Variants in CPA6 observed in about 807,000 individuals in gnomAD.
CPA6 encodes the protein carboxypeptidase A6, also known as carboxypeptidase B.
In CPA6, 58 loss-of-function variants were observed where a neutral mutation model predicts 63.3. The observed-to-expected ratio is 0.92, with a 90% confidence interval of 0.74 to 1.14. The LOEUF (loss-of-function observed/expected upper bound fraction) is 1.14, where lower values mean the gene tolerates loss of function less well. Among genes scored for constraint, CPA6 ranks in the 50% most tolerant of loss-of-function variants. The pLI is 0.00. For missense variants in CPA6, 565 were observed against 526.6 expected, an observed-to-expected ratio of 1.07 and a Z score of -0.71; for synonymous variants, 185 against 179.0, an observed-to-expected ratio of 1.03 and a Z score of -0.27.
At chr8:67,741,486 C>A (rs1043197812) in intron 1 of CPA6, among the ~76,000 whole-genome samples, 1 of 152,174 alleles carries the variant, frequency 6.6e-6, no homozygotes, top group Non-Finnish European at 1.5e-5. Flanking sequence ...TGTTAGAAAC[C>A]GGGCCGCACA....
chr8:67,733,697 T>G (rs1022366575), intron 1 of CPA6, among the ~76,000 whole-genome samples: 15 of 151,450 alleles, frequency 9.9e-5, no homozygotes, highest in Non-Finnish European at 2.1e-4. Flanking sequence ...AATGGGCACA[T>G]AGTAGGCACT....
intron 1 of CPA6, among the ~76,000 whole-genome samples, chr8:67,685,590 G>A (rs1816694635): frequency 6.6e-6 from 1 of 152,178 alleles, no homozygotes; most frequent in Admixed American, 6.5e-5. Flanking sequence ...CTGCGTTCCA[G>A]CCTGGGTGAC....
intron 8 of CPA6, among the ~76,000 whole-genome samples, chr8:67,472,949 T>C (rs1811096815): frequency 6.6e-6 from 1 of 152,208 alleles, no homozygotes; most frequent in African/African-American, 2.4e-5. Flanking sequence ...TATAATCTGT[T>C]GTTACAAAAA....
At chr8:67,445,086 G>A (rs1810382173) in intron 8 of CPA6, among the ~76,000 whole-genome samples, 1 of 152,264 alleles carries the variant, frequency 6.6e-6, no homozygotes, top group East Asian at 1.9e-4. Context: ...TGTTATATGT[G>A]CTTAGAGGAA....
intron 1 of CPA6, among the ~76,000 whole-genome samples, chr8:67,666,459 T>G (rs1816228280): frequency 6.6e-6 from 1 of 152,084 alleles, no homozygotes; most frequent in African/African-American, 2.4e-5. Flanking sequence ...AGGGCCCTGG[T>G]AGCAGCCAGT....
rs868648008 is a variant in CPA6, at chr8:67,612,311, C to T, written c.192+11865G>A. Among the ~76,000 whole-genome samples the T allele has an allele frequency of 1.8e-4, 27 of 152,174 alleles. No homozygotes were observed. In the East Asian group the frequency reaches 2.1e-3, roughly 12 times the overall value. ...CATATATTCTCAAAAGGCTATGTAT[C>T]TATATTATCAAAAGCCTCAGCGTGG... is the stretch of plus-strand genomic sequence containing the variant. On this transcript the variant is annotated intron_variant, in intron 2 of 10. Transcript: ENST00000297770.
At chr8:67,587,278 G>A (rs2128979853) in intron 2 of CPA6, among the ~76,000 whole-genome samples, 1 of 152,252 alleles carries the variant, frequency 6.6e-6, no homozygotes, top group African/African-American at 2.4e-5. Context: ...GTGAGCCCAA[G>A]TAATTGACAC....
At chr8:67,523,749 A>C (rs1384261019) in intron 2 of CPA6, among the ~76,000 whole-genome samples, 1 of 152,172 alleles carries the variant, frequency 6.6e-6, no homozygotes, top group Non-Finnish European at 1.5e-5. Flanking sequence ...GGCTAATTAC[A>C]CACCTGGTTC....
chr8:67,449,322 T>C (rs755103873), intron 8 of CPA6, among the ~76,000 whole-genome samples: 1 of 152,226 alleles, frequency 6.6e-6, no homozygotes, highest in Admixed American at 6.5e-5. Flanking sequence ...TGCTGTTCTA[T>C]GTGTCTATTC....
At chr8:67,435,181 T>C (rs1437594414) in intron 8 of CPA6, among the ~76,000 whole-genome samples, 1 of 152,034 alleles carries the variant, frequency 6.6e-6, no homozygotes, top group Admixed American at 6.6e-5. Context: ...ATGGAAGAAG[T>C]AGGGGGTTGG....
intron 10 of CPA6, among the ~76,000 whole-genome samples, chr8:67,423,969 G>A (rs1333207814): frequency 6.6e-6 from 1 of 152,144 alleles, no homozygotes; most frequent in African/African-American, 2.4e-5. Context: ...ACAGTCACTC[G>A]CTATCGCTTG....
chr8:67,484,271 A>G (rs181676786), intron 7 of CPA6, among the ~76,000 whole-genome samples: 66 of 152,054 alleles, frequency 4.3e-4, no homozygotes, highest in African/African-American at 1.5e-3. Context: ...ACGGGGTTTC[A>G]CGGTGTTAGC....
chr8:67,564,750 C>G (rs561301004), intron 2 of CPA6, among the ~76,000 whole-genome samples: 76 of 152,260 alleles, frequency 5.0e-4, no homozygotes, highest in African/African-American at 1.7e-3. Flanking sequence ...GATGTCAATG[C>G]ATTTTAATTA....
At chr8:67,617,679 T>C (rs1207473372) in intron 2 of CPA6, among the ~76,000 whole-genome samples, 1 of 152,218 alleles carries the variant, frequency 6.6e-6, no homozygotes, top group East Asian at 1.9e-4. Flanking sequence ...TTTTATTATT[T>C]TGTTGTTTCT....
At chr8:67,653,719 T>G (rs1022291170) in intron 1 of CPA6, among the ~76,000 whole-genome samples, 1 of 152,066 alleles carries the variant, frequency 6.6e-6, no homozygotes, top group African/African-American at 2.4e-5. Flanking sequence ...CTTTTCCTAA[T>G]TGAATACCCT....
intron 1 of CPA6, among the ~76,000 whole-genome samples, chr8:67,699,275 G>C (rs1295928761): frequency 6.6e-6 from 1 of 152,022 alleles, no homozygotes; most frequent in Non-Finnish European, 1.5e-5. Flanking sequence ...AATTATCCGG[G>C]TGTGGTGGCA....
chr8:67,496,987 A>G (rs57714056), intron 6 of CPA6, among the ~76,000 whole-genome samples: 15,298 of 152,140 alleles, frequency 0.1, 1,999 homozygotes, highest in African/African-American at 0.3. Context: ...GATTTGGGGC[A>G]TTGCATATGT....
chr8:67,552,609 TA>T (rs1431046007), intron 2 of CPA6, among the ~76,000 whole-genome samples: 1 of 151,138 alleles, frequency 6.6e-6, no homozygotes, highest in Non-Finnish European at 1.5e-5. Flanking sequence ...CCGCCTCTAC[TA>T]AAAATACAAA....
Position 67,709,939 on chromosome 8 carries a change from C to T in CPA6, c.116+36075G>A, listed in dbSNP as rs570204888. On this transcript the variant is annotated intron_variant, in intron 1 of 10. Transcript: ENST00000297770. ...CAGCCTGGCCAACATGGTGAAACCC[C>T]GTCTCTACTAAAAAAATACAAACAT... is the stretch of plus-strand genomic sequence containing the variant. Among the ~76,000 whole-genome samples, 3 of 151,902 alleles carry T rather than the reference C, an allele frequency of 2.0e-5. No homozygotes were observed. In the South Asian group the frequency reaches 6.3e-4, roughly 32 times the overall value.
Sources: gnomAD v4.1 joint callset for allele counts (sites outside exome capture counted in the v4.1 genomes callset) on GRCh38, gnomAD v4.1.1 for gene constraint, MANE v1.5 for transcripts, NCBI Gene and HGNC (gene_info 2026-07-23, HGNC 2026-07-21) for gene names.